Variants in BBS9 observed in about 807,000 individuals in gnomAD.
BBS9 encodes Bardet-Biedl syndrome 9.
In BBS9, 89 loss-of-function variants were observed where a neutral mutation model predicts 117.7. That is an observed-to-expected ratio of 0.76 (90% confidence interval 0.64 to 0.90). The LOEUF is 0.90. Ranked by LOEUF, BBS9 falls within the 40% of genes least tolerant of loss-of-function variation. BBS9 has a pLI of 0.00. For synonymous variants in BBS9, 379 were observed against 370.9 expected (o/e 1.02, Z -0.25); for missense variants, 982 against 1,042.2 (o/e 0.94, Z 0.80).
chr7:33,321,738 G>C (rs1263527285), intron 9 of BBS9, among the ~76,000 whole-genome samples: 1 of 151,924 alleles, frequency 6.6e-6, no homozygotes, highest in African/African-American at 2.4e-5. Context: ...TTGGTAGGTA[G>C]GACTTTTAGT....
At chr7:33,133,037 G>A (rs918590013) in intron 1 of BBS9, among the ~76,000 whole-genome samples, 1 of 151,824 alleles carries the variant, frequency 6.6e-6, no homozygotes, top group South Asian at 2.1e-4. Flanking sequence ...TGATCAATCC[G>A]CCTTGGCCTC....
chr7:33,554,659 G>A (rs1373876350), intron 21 of BBS9, among the ~76,000 whole-genome samples: 1 of 152,130 alleles, frequency 6.6e-6, no homozygotes, highest in East Asian at 1.9e-4. Flanking sequence ...CATTTGAGAG[G>A]CCTAGTTGGC....
At chr7:33,205,271 C>T (rs935540287) in intron 5 of BBS9, among the ~76,000 whole-genome samples, 2 of 152,160 alleles carry the variant, frequency 1.3e-5, no homozygotes, top group African/African-American at 4.8e-5. Flanking sequence ...ACCATATTCT[C>T]CAGTGTTTTC....
intron 19 of BBS9, among the ~76,000 whole-genome samples, chr7:33,467,745 A>G (rs1840396454): frequency 6.6e-6 from 1 of 152,148 alleles, no homozygotes; most frequent in African/African-American, 2.4e-5. Flanking sequence ...GTACTGAAAG[A>G]TAATAAATGA....
At chr7:33,506,130 C>T (rs1260234634) in intron 20 of BBS9, among the ~76,000 whole-genome samples, 3 of 152,076 alleles carry the variant, frequency 2.0e-5, no homozygotes, top group Admixed American at 1.3e-4. Context: ...TTTATAAACT[C>T]TTTTACCCTC....
intron 5 of BBS9, among the ~76,000 whole-genome samples, chr7:33,180,286 T>G (rs1045554674): frequency 6.6e-6 from 1 of 152,098 alleles, no homozygotes; most frequent in African/African-American, 2.4e-5. Context: ...TCCCCTCCCT[T>G]GTTCAGGTGT....
At chr7:33,414,518 A>G (rs989026671) in intron 19 of BBS9, among the ~76,000 whole-genome samples, 1 of 152,220 alleles carries the variant, frequency 6.6e-6, no homozygotes. Flanking sequence ...CTTTGTGTGT[A>G]TACATGCATG....
intron 5 of BBS9, among the ~76,000 whole-genome samples, chr7:33,183,705 C>A (rs755542058): frequency 6.6e-6 from 1 of 152,168 alleles, no homozygotes; most frequent in Non-Finnish European, 1.5e-5. Context: ...GACATAAACT[C>A]CAAAATTCCT....
chr7:33,617,185 T>C (rs1230019077), intron 21 of BBS9, among the ~76,000 whole-genome samples: 2 of 152,100 alleles, frequency 1.3e-5, no homozygotes, highest in African/African-American at 2.4e-5. Context: ...AATTAAAAGA[T>C]ACATTGTCTT....
intron 9 of BBS9, among the ~76,000 whole-genome samples, chr7:33,299,970 G>C (rs1482195341): frequency 6.6e-6 from 1 of 152,130 alleles, no homozygotes; most frequent in Non-Finnish European, 1.5e-5. Flanking sequence ...CACTCAAATG[G>C]GGTAATTGAG....
At chr7:33,428,917 A>T (rs1054766545) in intron 19 of BBS9, among the ~76,000 whole-genome samples, 1 of 152,052 alleles carries the variant, frequency 6.6e-6, no homozygotes, top group Non-Finnish European at 1.5e-5. Context: ...CATTTTGTGC[A>T]TTTTTCCATA....
chr7:33,610,893 G>T (rs531750000), downstream of BBS9, among the ~76,000 whole-genome samples: 278 of 152,190 alleles, frequency 1.8e-3, no homozygotes, highest in Non-Finnish European at 3.2e-3. Flanking sequence ...TCTTGGTTTT[G>T]TGGAGAGATG....
chr7:33,385,745 T>A (rs899006900), intron 18 of BBS9, among the ~76,000 whole-genome samples: 1 of 152,060 alleles, frequency 6.6e-6, no homozygotes, highest in Non-Finnish European at 1.5e-5. Context: ...AACTTTATTT[T>A]AAAATATTTT....
intron 14 of BBS9, 94 bp downstream of exon 14, chr7:33,351,417 A>C: frequency 5.9e-6 from 5 of 851,904 alleles, no homozygotes; most frequent in Non-Finnish European, 1.0e-5. Context: ...GTGAAATATC[A>C]TTAAATGAGA....
intron 9 of BBS9, among the ~76,000 whole-genome samples, chr7:33,290,017 G>A (rs926567916): frequency 8.6e-5 from 13 of 150,576 alleles, no homozygotes; most frequent in African/African-American, 2.7e-4. Flanking sequence ...CTGCACTCCA[G>A]CCTGGTGACA....
intron 21 of BBS9, among the ~76,000 whole-genome samples, chr7:33,583,756 T>A (rs904166706): frequency 1.3e-5 from 2 of 152,064 alleles, no homozygotes; most frequent in African/African-American, 4.8e-5. Context: ...AGAGCCACGT[T>A]TTTGGTTGAG....
intron 19 of BBS9, among the ~76,000 whole-genome samples, chr7:33,487,135 C>T (rs182651641): frequency 7.2e-4 from 110 of 152,302 alleles, no homozygotes; most frequent in African/African-American, 2.6e-3. Context: ...TCCCCTCTAC[C>T]CTGTATAATC....
chr7:33,494,170 C>G (rs1322024173), intron 19 of BBS9, among the ~76,000 whole-genome samples: 4 of 151,820 alleles, frequency 2.6e-5, no homozygotes, highest in African/African-American at 9.7e-5. Flanking sequence ...TGACAATGTC[C>G]GGAGACATTT....
intron 1 of BBS9, among the ~76,000 whole-genome samples, chr7:33,131,700 T>C (rs1049026125): frequency 1.3e-5 from 2 of 152,162 alleles, no homozygotes; most frequent in African/African-American, 4.8e-5. Flanking sequence ...GATCATATTG[T>C]AGGACTAGGT....
Sources: allele counts gnomAD v4.1 joint callset (sites outside exome capture counted in the v4.1 genomes callset), GRCh38; gene constraint gnomAD v4.1.1; transcripts MANE v1.5; gene names NCBI Gene and HGNC (gene_info 2026-07-23, HGNC 2026-07-21).